Variants in NTRK3 observed in about 807,000 individuals in gnomAD.
NTRK3 encodes neurotrophic receptor tyrosine kinase 3.
A neutral mutation model predicts 91.7 loss-of-function variants in NTRK3; 24 were observed. The ratio of observed to expected loss-of-function variants is 0.26; its 90% CI spans 0.19 to 0.37. The LOEUF (loss-of-function observed/expected upper bound fraction) is 0.37, where lower values mean the gene tolerates loss of function less well. NTRK3 is among the 10% of genes least tolerant of loss of function. NTRK3 has a pLI of 1.00. For missense variants in NTRK3, 880 were observed against 1,068.9 expected, an observed-to-expected ratio of 0.82 and a Z score of 2.46; for synonymous variants, 483 against 404.0, an observed-to-expected ratio of 1.20 and a Z score of -2.34.
rs754131028 is a variant in NTRK3 at position 88,183,466 on chromosome 15, C to T, written c.347G>A (p.Arg116Gln). The change falls in exon 5 of 19, where the codon CGG (arginine) becomes CAG (glutamine). Residue 116 changes from arginine (R) to glutamine (Q), a missense_variant. By Grantham distance (43) the Arg-to-Gln change is conservative. Around this residue, in one of 3 missense-constraint regions of NTRK3, gnomAD observed 743 missense variants for 868.6 expected, o/e 0.86. Coordinates refer to ENST00000394480, the Ensembl canonical transcript of NTRK3. The stretch of plus-strand genomic sequence containing the variant: ...GGCAAAGGCTCTGGGCTGAATGCTC[C>T]GAAGTCCTGAGTTCTTGATGGTCCT... The T allele has an allele frequency of 8.1e-6, 13 of 1,613,936 alleles. No homozygotes were observed. The highest frequency in any genetic ancestry group is 1.7e-5 in the Admixed American group (1 of 59,994).
At chr15:88,191,207 T>C (rs1226798638) in intron 3 of NTRK3, among the ~76,000 whole-genome samples, 1 of 149,522 alleles carries the variant, frequency 6.7e-6, no homozygotes, top group Non-Finnish European at 1.5e-5. Flanking sequence ...TGTGTGTGTG[T>C]GTCTTAACAC....
intron 17 of NTRK3, among the ~76,000 whole-genome samples, chr15:87,890,949 A>C (rs1426852771): frequency 6.6e-6 from 1 of 152,210 alleles, no homozygotes; most frequent in Non-Finnish European, 1.5e-5. Flanking sequence ...AAATTTCTTA[A>C]GAGAAAAAAT....
chr15:88,163,430 C>T (rs935784995), intron 5 of NTRK3, among the ~76,000 whole-genome samples: 1 of 152,196 alleles, frequency 6.6e-6, no homozygotes, highest in Admixed American at 6.5e-5. Context: ...TGACCACCAC[C>T]TCCAGACCAC....
intron 14 of NTRK3, among the ~76,000 whole-genome samples, chr15:87,975,041 G>C (rs1214256418): frequency 1.3e-5 from 2 of 152,192 alleles, no homozygotes; most frequent in Non-Finnish European, 2.9e-5. Flanking sequence ...GTGGAAACCT[G>C]AGCTAGTTAT....
At chr15:87,876,663 A>C (rs1214652009) in exon 19 of NTRK3, 1 of 216,004 alleles carries the variant, frequency 4.6e-6, no homozygotes, top group Non-Finnish European at 9.2e-6. Flanking sequence ...TTCTCTGTGT[A>C]CTAGAGAAGG....
chr15:87,920,504 G>A (rs1230789910), intron 17 of NTRK3, among the ~76,000 whole-genome samples: 1 of 152,128 alleles, frequency 6.6e-6, no homozygotes, highest in Non-Finnish European at 1.5e-5. Flanking sequence ...GCATGGTTTA[G>A]GGCTGGGAAT....
chr15:87,863,371 T>C (rs1467265851), exon 19 of NTRK3: 1 of 226,976 alleles, frequency 4.4e-6, no homozygotes, highest in African/African-American at 2.2e-5. Flanking sequence ...AGGGGGTTGT[T>C]TGCTGTCCCT....
chr15:87,912,678 T>C (rs890973241), intron 17 of NTRK3, among the ~76,000 whole-genome samples: 1 of 151,814 alleles, frequency 6.6e-6, no homozygotes, highest in African/African-American at 2.4e-5. Flanking sequence ...AATAAGTGGG[T>C]TTGAAAGATG....
At chr15:88,219,363 G>A (rs923672339) in intron 3 of NTRK3, among the ~76,000 whole-genome samples, 5 of 152,198 alleles carry the variant, frequency 3.3e-5, no homozygotes, top group Non-Finnish European at 1.5e-5. Context: ...CACAGACGGG[G>A]GCCAAGAGGA....
chr15:88,162,938 T>C (rs28499427), intron 5 of NTRK3, among the ~76,000 whole-genome samples: 8,948 of 152,186 alleles, frequency 0.059, 737 homozygotes, highest in African/African-American at 0.18. Flanking sequence ...CTGTGGCCAC[T>C]CTGTTTGCCC....
At chr15:88,125,708 G>A (rs1347314236) in intron 13 of NTRK3, among the ~76,000 whole-genome samples, 1 of 152,142 alleles carries the variant, frequency 6.6e-6, no homozygotes, top group Non-Finnish European at 1.5e-5. Context: ...CTGCCACAGT[G>A]GAGTGGAGCA....
chr15:88,172,776 G>A (rs956861403), intron 5 of NTRK3, among the ~76,000 whole-genome samples: 12 of 152,178 alleles, frequency 7.9e-5, no homozygotes, highest in Admixed American at 3.9e-4. Context: ...AGAAATGATC[G>A]GGGGTTGGGG....
chr15:88,144,340 C>G (rs2151289225), intron 6 of NTRK3, among the ~76,000 whole-genome samples: 1 of 152,272 alleles, frequency 6.6e-6, no homozygotes, highest in African/African-American at 2.4e-5. Context: ...AGAGGGGAAG[C>G]TGTGAGTCAG....
chr15:87,950,044 A>C (rs1441759272), intron 14 of NTRK3, among the ~76,000 whole-genome samples: 1 of 151,868 alleles, frequency 6.6e-6, no homozygotes, highest in Non-Finnish European at 1.5e-5. Flanking sequence ...TCCAGCTACT[A>C]CCCAGGAATG....
intron 17 of NTRK3, among the ~76,000 whole-genome samples, chr15:87,886,679 T>TATATATATATAC (rs1181877598): frequency 2.7e-5 from 3 of 110,490 alleles, no homozygotes; most frequent in African/African-American, 1.3e-4. Flanking sequence ...CTTTTTGCTA[T>TATATATATATAC]ATATATATAT....
chr15:88,013,073 T>G (rs1289265769), intron 14 of NTRK3, among the ~76,000 whole-genome samples: 1 of 125,754 alleles, frequency 8.0e-6, no homozygotes, highest in Non-Finnish European at 1.7e-5. Flanking sequence ...AAAGACCCAC[T>G]ACCAGCAGCT....
chr15:87,875,232 C>T (rs2064917636), exon 19 of NTRK3: 1 of 230,644 alleles, frequency 4.3e-6, no homozygotes, highest in Non-Finnish European at 8.6e-6. Flanking sequence ...AGGTCAGTCC[C>T]TTAGGTAGCT....
rs763441461 is a variant in NTRK3 at position 88,136,437 on chromosome 15, C to T, written c.765+30G>A. The stretch of plus-strand genomic sequence containing the variant: ...CTACAGTGTGATCACTCCCTAGCCT[C>T]CTGATGGGGCTGAAGCCCAGGATGC... On this transcript the variant is annotated intron_variant, in intron 8 of 18. Coordinates refer to ENST00000394480, the Ensembl canonical transcript of NTRK3. 8.1e-6 allele frequency: 13 copies of T among 1,613,978 alleles called. No homozygotes were observed. In the South Asian group the frequency reaches 1.2e-4, roughly 15 times the overall value.
At chr15:88,203,918 G>A (rs1418177239) in intron 3 of NTRK3, among the ~76,000 whole-genome samples, 2 of 151,832 alleles carry the variant, frequency 1.3e-5, no homozygotes, top group Non-Finnish European at 2.9e-5. Context: ...GAATGTGCAG[G>A]TTTGTTACAC....
Sources: gnomAD v4.1 joint callset for allele counts (sites outside exome capture counted in the v4.1 genomes callset) on GRCh38, gnomAD v4.1.1 for gene constraint, gnomAD v4.1.1 regional missense constraint, MANE v1.5 for transcripts, NCBI Gene and HGNC (gene_info 2026-07-23, HGNC 2026-07-21) for gene names.